Variants in ATP11A observed in about 807,000 individuals in gnomAD.
ATP11A encodes the protein phospholipid-transporting ATPase IH.
Under a neutral mutation model 154.4 loss-of-function variants are expected in ATP11A, and 81 were observed. The ratio of observed to expected loss-of-function variants is 0.52; its 90% confidence interval spans 0.44 to 0.63. The LOEUF is 0.63. Among genes scored for constraint, ATP11A ranks in the 30% least tolerant of loss-of-function variants. The pLI, the probability that ATP11A is intolerant of heterozygous loss-of-function variation, is 0.00. For missense variants in ATP11A, 1,316 were observed against 1,474.3 expected (o/e 0.89, Z 1.76); for synonymous variants, 623 against 585.9 (o/e 1.06, Z -0.91).
intron 25 of ATP11A, among the ~76,000 whole-genome samples, chr13:112,867,500 A>G (rs2080374805): frequency 6.6e-6 from 1 of 152,156 alleles, no homozygotes; most frequent in Admixed American, 6.5e-5. Flanking sequence ...GGTGCTGGCA[A>G]CGCAGTGCCA....
chr13:112,872,351 C>T (rs1483726908), intron 26 of ATP11A, among the ~76,000 whole-genome samples: 2 of 152,222 alleles, frequency 1.3e-5, no homozygotes, highest in Non-Finnish European at 2.9e-5. Flanking sequence ...TGGCTCACAC[C>T]TGTAGTTCCA....
At chr13:112,712,257 G>T (rs1461506890) in intron 1 of ATP11A, among the ~76,000 whole-genome samples, 1 of 152,162 alleles carries the variant, frequency 6.6e-6, no homozygotes, top group Non-Finnish European at 1.5e-5. Flanking sequence ...TGCCCACGGG[G>T]GAAGAGCAGC....
At chr13:112,871,944 C>T in intron 26 of ATP11A, 144 bp downstream of exon 26, 1 of 831,262 alleles carries the variant, frequency 1.2e-6, no homozygotes, top group Non-Finnish European at 2.0e-6. Context: ...GCTCCTGGGG[C>T]ACCCCTGGGC....
intron 1 of ATP11A, among the ~76,000 whole-genome samples, chr13:112,728,673 G>A (rs1890162857): frequency 6.6e-6 from 1 of 151,844 alleles, no homozygotes; most frequent in Non-Finnish European, 1.5e-5. Flanking sequence ...ACGCGTGGAG[G>A]GGCCGTGAGA....
In ATP11A at chr13:112,816,091, C is replaced by T. The variant is rs2078638847; in HGVS notation, c.450C>T (p.Asp150=). 1 of 1,614,064 alleles carries T rather than the reference C, an allele frequency of 6.2e-7. No homozygotes were observed. The highest frequency in any genetic ancestry group is 1.3e-5 in the African/African-American group (1 of 74,918). The part of the protein sequence containing the change: ...RKQSRKLRVG[D]IVMVKEDETF... ...TCTGCTTTGTCCTGTAGGTTGGGGA[C>T]ATTGTCATGGTTAAGGAGGACGAGA... Residue 150 remains aspartate (D), a synonymous_variant, in exon 6 of 30, where the codon GAC becomes GAT. Transcript: ENST00000375645.
intron 1 of ATP11A, among the ~76,000 whole-genome samples, chr13:112,704,274 C>T (rs750751872): frequency 5.9e-5 from 9 of 152,190 alleles, no homozygotes; most frequent in South Asian, 2.1e-4. Flanking sequence ...AGTTGTTGTA[C>T]GCACAACTCA....
intron 17 of ATP11A, among the ~76,000 whole-genome samples, chr13:112,848,341 A>AT (rs1309696786): frequency 1.3e-5 from 2 of 151,834 alleles, no homozygotes; most frequent in South Asian, 2.1e-4. Context: ...CTGAAGTGGA[A>AT]TTTTTTTTTA....
At chr13:112,843,075 G>A (rs1475051577) in intron 17 of ATP11A, among the ~76,000 whole-genome samples, 2 of 152,120 alleles carry the variant, frequency 1.3e-5, no homozygotes, top group Admixed American at 6.5e-5. Context: ...GTGGCTGGGT[G>A]GACATGCTCC....
rs182180010 is a variant in ATP11A, at chr13:112,882,872, T to G, written c.*1006T>G. 2.5e-5 allele frequency: 10 copies of G among 398,780 alleles called. No homozygotes were observed. Among genetic ancestry groups the G allele is most frequent in the East Asian group, 1.1e-4 (3 of 28,060 alleles). 24.7% of individuals were successfully genotyped at this position (398,780 alleles called of 1,614,324 possible). Reference sequence around the variant, plus strand: ...TGGAGGGGTCAACACCAAGGTGGTGTTCGTGCACCAGAACCTGTCTCGGGC... The same window carrying G: ...TGGAGGGGTCAACACCAAGGTGGTGGTCGTGCACCAGAACCTGTCTCGGGC... On this transcript the variant is annotated 3_prime_UTR_variant, in exon 30 of 30. Coordinates refer to ENST00000375645, the MANE Select transcript of ATP11A (RefSeq NM_015205.3). The surrounding 1 kb of genome is among the most constrained non-coding windows in gnomAD (Gnocchi z 5.1).
intron 1 of ATP11A, among the ~76,000 whole-genome samples, chr13:112,748,661 C>A (rs188162887): frequency 2.0e-5 from 3 of 152,156 alleles, no homozygotes; most frequent in Non-Finnish European, 4.4e-5. Flanking sequence ...CCACCACGCC[C>A]GGCCTGAATG....
chr13:112,774,898 C>T (rs1162339381), intron 1 of ATP11A, among the ~76,000 whole-genome samples: 1 of 151,986 alleles, frequency 6.6e-6, no homozygotes, highest in East Asian at 1.9e-4. Context: ...GCGTGCGAGG[C>T]TGTGTGTCTG....
rs372929670 is a variant in ATP11A, at chr13:112,763,327, C to A, written c.40-21808C>A. On this transcript the variant is annotated intron_variant, in intron 1 of 29. Transcript: ENST00000375645. ...GGGGCTCGGACAGGCCTCATCCCAC[C>A]CTCCTCCCTTTGGACCAGCAGTGAC... 5.9e-5 allele frequency among the ~76,000 whole-genome samples: 9 copies of A among 152,140 alleles called. No homozygotes were observed. In the East Asian group the frequency reaches 7.7e-4, roughly 13 times the overall value.
chr13:112,866,366 CT>C (rs1222380438), intron 25 of ATP11A, among the ~76,000 whole-genome samples: 2 of 152,116 alleles, frequency 1.3e-5, no homozygotes, highest in Non-Finnish European at 2.9e-5. Context: ...CACATCCTTG[CT>C]GTGTTCCCTC....
intron 12 of ATP11A, among the ~76,000 whole-genome samples, chr13:112,829,265 A>C (rs2079028401): frequency 6.6e-6 from 1 of 152,184 alleles, no homozygotes; most frequent in Non-Finnish European, 1.5e-5. Flanking sequence ...CTTAGGGTTG[A>C]CTGTCCCACC....
Position 112,819,397 on chromosome 13 carries a change from G to T in ATP11A, c.664G>T (p.Asp222Tyr). 6.2e-7 allele frequency: 1 copy of T among 1,614,168 alleles called. No individual in the cohort carries two copies. The highest frequency in any genetic ancestry group is 8.5e-7 in the Non-Finnish European group (1 of 1,180,016). Residue 222 changes from aspartate (D) to tyrosine (Y), a missense_variant, in exon 7 of 30, where the codon GAC becomes TAC. By Grantham distance (160) the Asp-to-Tyr change is radical. Around this residue, in one of 5 missense-constraint regions of ATP11A, gnomAD observed 876 missense variants for 1,006.8 expected, o/e 0.87. Coordinates refer to ENST00000375645, the MANE Select transcript of ATP11A (RefSeq NM_015205.3). Reference sequence around the variant, plus strand: ...CATCGAGTGTGAGCAGCCCCAGCCCGACCTCTACAAGTAAGCGGGAGCTTT... The same window carrying T: ...CATCGAGTGTGAGCAGCCCCAGCCCTACCTCTACAAGTAAGCGGGAGCTTT... ...ATIECEQPQPDLYKFVGRINV... is the reference protein window; with the variant it reads ...ATIECEQPQPYLYKFVGRINV...
intron 2 of ATP11A, among the ~76,000 whole-genome samples, chr13:112,787,717 A>C (rs1437451061): frequency 1.3e-5 from 2 of 150,478 alleles, no homozygotes; most frequent in Non-Finnish European, 3.0e-5. Flanking sequence ...GTGGAGACCT[A>C]CTTAATCCAC....
chr13:112,844,446 G>A (rs941441877), intron 17 of ATP11A, among the ~76,000 whole-genome samples: 2 of 152,144 alleles, frequency 1.3e-5, no homozygotes, highest in Non-Finnish European at 2.9e-5. Context: ...GGAAGGGGAC[G>A]CATCCCTCAC....
chr13:112,775,713 C>CG (rs1236179178), intron 1 of ATP11A, among the ~76,000 whole-genome samples: 2 of 74,762 alleles, frequency 2.7e-5, no homozygotes, highest in Non-Finnish European at 7.9e-5. Flanking sequence ...TTTCATAATG[C>CG]CCCCCCCGCC....
At chr13:112,773,112 C>T (rs1470094581) in intron 1 of ATP11A, among the ~76,000 whole-genome samples, 1 of 152,114 alleles carries the variant, frequency 6.6e-6, no homozygotes, top group Non-Finnish European at 1.5e-5. Flanking sequence ...TGAGGTGCTC[C>T]CTTGTGCCAT....
Sources: gnomAD v4.1 joint callset for allele counts (sites outside exome capture counted in the v4.1 genomes callset) on GRCh38, gnomAD v4.1.1 for gene constraint, gnomAD v4.1.1 regional missense constraint, Gnocchi (gnomAD v3.1) non-coding constraint, MANE v1.5 for transcripts, NCBI Gene and HGNC (gene_info 2026-07-23, HGNC 2026-07-21) for gene names.